GPR149: variants seen among roughly 807,000 people sequenced by gnomAD.
GPR149 encodes the protein G protein-coupled receptor 149.
A neutral mutation model predicts 50.2 loss-of-function variants in GPR149; 50 were observed. The observed-to-expected ratio is 1.00, with a 90% CI of 0.79 to 1.26. GPR149 has a LOEUF of 1.26. Among genes scored for constraint, GPR149 ranks in the 50% most tolerant of loss-of-function variants. The pLI is 0.00. For synonymous variants in GPR149, 405 were observed against 358.2 expected (o/e 1.13, Z -1.48); for missense variants, 983 against 895.4 (o/e 1.10, Z -1.25).
At position 154,427,571 on chromosome 3, in the gene GPR149, G is replaced by T; in HGVS notation, c.1119C>A (p.Gly373=). Residue 373 remains glycine, a synonymous_variant, in exon 2 of 4, where the codon GGC becomes GGA. Transcript: ENST00000389740. ...CGTTCTGCCTGCAGTTGATGATGCAGCCACAGGGCAAGTGGGTCCAGCGTT... is the reference window on the plus strand; with the variant it reads ...CGTTCTGCCTGCAGTTGATGATGCATCCACAGGGCAAGTGGGTCCAGCGTT... The part of the protein sequence containing the change: ...LSKRWTHLPC[G]CIINCRQNAY... The T allele has an allele frequency of 6.2e-7, 1 of 1,614,114 alleles. No homozygotes were observed. Among genetic ancestry groups the T allele is most frequent in the South Asian group, 1.1e-5 (1 of 91,084 alleles).
chr3:154,418,919 C>T (rs1712061293), intron 3 of GPR149, among the ~76,000 whole-genome samples: 1 of 151,664 alleles, frequency 6.6e-6, no homozygotes, highest in Non-Finnish European at 1.5e-5. Context: ...CCTTAAAGAC[C>T]ACAGGTACTT....
At chr3:154,340,995 C>T (rs1276745163) in intron 3 of GPR149, among the ~76,000 whole-genome samples, 1 of 152,132 alleles carries the variant, frequency 6.6e-6, no homozygotes, top group African/African-American at 2.4e-5. Context: ...GCTGGGATTA[C>T]AGGCGTGAGC....
chr3:154,383,609 T>C (rs1714979885), intron 3 of GPR149, among the ~76,000 whole-genome samples: 1 of 152,184 alleles, frequency 6.6e-6, no homozygotes, highest in Non-Finnish European at 1.5e-5. Context: ...TGATTTATAC[T>C]TTGTGTGGCA....
At chr3:154,405,370 T>G (rs562496160) in intron 3 of GPR149, among the ~76,000 whole-genome samples, 1 of 151,866 alleles carries the variant, frequency 6.6e-6, no homozygotes, top group Non-Finnish European at 1.5e-5. Flanking sequence ...GGGTGGATCA[T>G]GAGGTCAGGA....
intron 3 of GPR149, among the ~76,000 whole-genome samples, chr3:154,374,169 C>CTTTTTTTTTTTTTTTTTTTTTTT (rs3069044): frequency 3.9e-5 from 4 of 103,174 alleles, no homozygotes; most frequent in South Asian, 3.6e-4. Context: ...CTTTTCTTTT[C>CTTTTTTTTTTTTTTTTTTTTTTT]TTTTTTTTTT....
At chr3:154,408,251 A>T (rs955311607) in intron 3 of GPR149, among the ~76,000 whole-genome samples, 6 of 152,234 alleles carry the variant, frequency 3.9e-5, no homozygotes, top group Admixed American at 2.6e-4. Flanking sequence ...ACAGAGCAGC[A>T]TGTGGAGACT....
intron 3 of GPR149, among the ~76,000 whole-genome samples, chr3:154,409,959 T>C (rs1345380195): frequency 6.6e-6 from 1 of 152,062 alleles, no homozygotes; most frequent in Admixed American, 6.5e-5. Context: ...ATAAAGGAAA[T>C]AATCTTAAGA....
intron 3 of GPR149, among the ~76,000 whole-genome samples, chr3:154,404,622 C>T (rs905384967): frequency 2.6e-5 from 4 of 152,068 alleles, no homozygotes; most frequent in South Asian, 2.1e-4. Context: ...ATTATCTCTC[C>T]GAAACAGTGT....
chr3:154,350,638 T>C (rs1014833745), intron 3 of GPR149, among the ~76,000 whole-genome samples: 5 of 152,164 alleles, frequency 3.3e-5, no homozygotes, highest in African/African-American at 1.2e-4. Flanking sequence ...TTTAATATAA[T>C]TCCTACAAAA....
chr3:154,352,193 T>C (rs1714097052), intron 3 of GPR149: 1 of 860,228 alleles, frequency 1.2e-6, no homozygotes, highest in Non-Finnish European at 1.8e-6. Context: ...TCCCACTTCA[T>C]CTTCTACCAT....
intron 3 of GPR149, among the ~76,000 whole-genome samples, chr3:154,403,215 C>G (rs948371456): frequency 3.3e-5 from 5 of 152,092 alleles, no homozygotes; most frequent in African/African-American, 1.2e-4. Context: ...GAAGCCAGAT[C>G]TTAGGAGCAG....
intron 3 of GPR149, among the ~76,000 whole-genome samples, chr3:154,406,108 A>G (rs1256172045): frequency 6.6e-6 from 1 of 152,152 alleles, no homozygotes; most frequent in East Asian, 1.9e-4. Flanking sequence ...AAAATTGGAA[A>G]AAATAATAAC....
chr3:154,354,826 C>T, intron 3 of GPR149: 1 of 470,234 alleles, frequency 2.1e-6, no homozygotes, highest in Non-Finnish European at 3.3e-6. Context: ...CCTCCACGCA[C>T]AGTGGCCACA....
At chr3:154,381,420 A>G (rs1431966278) in intron 3 of GPR149, among the ~76,000 whole-genome samples, 1 of 152,172 alleles carries the variant, frequency 6.6e-6, no homozygotes, top group East Asian at 1.9e-4. Flanking sequence ...TTGCTACAAT[A>G]TTTTTATCTG....
intron 3 of GPR149, among the ~76,000 whole-genome samples, chr3:154,412,410 C>T (rs1292477165): frequency 6.6e-6 from 1 of 151,780 alleles, no homozygotes; most frequent in Non-Finnish European, 1.5e-5. Context: ...TTGCTGTTTG[C>T]GATGATCCTG....
At chr3:154,426,030 G>A (rs1712283089) in intron 2 of GPR149, among the ~76,000 whole-genome samples, 1 of 152,130 alleles carries the variant, frequency 6.6e-6, no homozygotes, top group African/African-American at 2.4e-5. Flanking sequence ...TAGTTTAGTG[G>A]CAAAATGCTA....
chr3:154,386,312 A>G (rs984756363), intron 3 of GPR149, among the ~76,000 whole-genome samples: 1 of 152,186 alleles, frequency 6.6e-6, no homozygotes, highest in African/African-American at 2.4e-5. Context: ...AATTGCAAAG[A>G]GCTACACATC....
chr3:154,414,156 A>G (rs1403878301), intron 3 of GPR149, among the ~76,000 whole-genome samples: 1 of 151,888 alleles, frequency 6.6e-6, no homozygotes, highest in African/African-American at 2.4e-5. Context: ...TTGGACACTC[A>G]GGGGAAAGGG....
chr3:154,379,807 T>C (rs1237430909), intron 3 of GPR149, among the ~76,000 whole-genome samples: 1 of 152,202 alleles, frequency 6.6e-6, no homozygotes, highest in Non-Finnish European at 1.5e-5. Context: ...TCTATCTTTA[T>C]GCCAGTCATG....
Sources: gnomAD v4.1 joint callset for allele counts (sites outside exome capture counted in the v4.1 genomes callset) on GRCh38, gnomAD v4.1.1 for gene constraint, MANE v1.5 for transcripts, NCBI Gene and HGNC (gene_info 2026-07-23, HGNC 2026-07-21) for gene names.